DNAH1: variants seen among roughly 807,000 people sequenced by gnomAD.
DNAH1 encodes the protein dynein axonemal heavy chain 1, also known as axonemal beta dynein heavy chain 1.
Under a neutral mutation model 484.3 loss-of-function variants are expected in DNAH1, and 327 were observed. That is an observed-to-expected ratio of 0.68 (90% CI 0.62 to 0.74). The LOEUF (loss-of-function observed/expected upper bound fraction) is 0.74, where lower values mean the gene tolerates loss of function less well. DNAH1 is among the 30% of genes least tolerant of loss of function. The pLI, the probability that DNAH1 is intolerant of heterozygous loss-of-function variation, is 0.00. For missense variants in DNAH1, 5,052 were observed against 5,546.8 expected (o/e 0.91, Z 2.83); for synonymous variants, 2,192 against 2,191.9 (o/e 1.00, Z 0.00).
At chr3:52,390,895 A>C in intron 60 of DNAH1, 40 bp from the exon 61 acceptor site, 1 of 1,549,890 alleles carries the variant, frequency 6.5e-7, no homozygotes, top group Non-Finnish European at 8.7e-7. Flanking sequence ...CCCTGCTTGC[A>C]GGAAAGCTCT....
rs1703844773 is a variant in DNAH1 at position 52,381,572 on chromosome 3, T to TG, written c.7609-62dup. ...CAGGACAGAGAAGAAAGCGGGTGGG[T>TG]GGGGGGAATCGGGGAGACCCTACAG... On this transcript the variant is annotated intron_variant, in intron 48 of 77. Transcript: ENST00000420323. The surrounding 1 kb of genome is among the most constrained non-coding windows in gnomAD (Gnocchi z 4.1). 7.0e-7 allele frequency: 1 copy of TG among 1,419,378 alleles called. No individual in the cohort carries two copies. The highest frequency in any genetic ancestry group is 1.5e-5 in the African/African-American group (1 of 68,820). The allele number at this position is 1,419,378 out of a possible 1,614,324, so 87.9% of individuals were successfully genotyped here.
chr3:52,358,705 A>G lies in DNAH1; in HGVS notation c.4234A>G (p.Ile1412Val). Reference sequence around the variant, plus strand: ...CAGCATGAAGGCCAGTGTGCACGACATCATTGAGAAGGCCATCAGGGCCTA... The same window carrying G: ...CAGCATGAAGGCCAGTGTGCACGACGTCATTGAGAAGGCCATCAGGGCCTA... ...ERSMKASVHDIIEKAIRAYPT... is the reference protein window; with the variant it reads ...ERSMKASVHDVIEKAIRAYPT... Residue 1412 changes from isoleucine (I) to valine (V), a missense_variant, in exon 25 of 78, where the codon ATC (isoleucine) becomes GTC (valine). By Grantham distance (29) the Ile-to-Val change is conservative (BLOSUM62 3). Around this residue, in one of 4 missense-constraint regions of DNAH1, gnomAD observed 2,929 missense variants for 3,409.4 expected, o/e 0.86. Transcript: ENST00000420323. This position sits in a 1 kb window ranked among gnomAD's most constrained non-coding sequence, Gnocchi z 4.2. 6.2e-7 allele frequency: 1 copy of G among 1,612,900 alleles called. No homozygotes were observed. The highest frequency in any genetic ancestry group is 2.2e-5 in the East Asian group (1 of 44,850).
rs1324808545 is a variant in DNAH1, at chr3:52,322,474, T to A, written c.32T>A (p.Leu11Gln). MEQPNSKGYS[L>Q]GRTPQGPECS... ...CAGCCTAACAGTAAAGGCTATAGCC[T>A]GGGAAGGACCCCTCAGGGCCCAGAG... The change falls in exon 2 of 78, where the codon CTG becomes CAG. Residue 11 changes from leucine to glutamine, a missense_variant. Physicochemically the swap from Leu to Gln is moderately radical, Grantham distance 113. Around this residue, in one of 4 missense-constraint regions of DNAH1, gnomAD observed 1,263 missense variants for 1,218.8 expected, o/e 1.04. Transcript: ENST00000420323. 6.2e-7 allele frequency: 1 copy of A among 1,612,934 alleles called. No individual in the cohort carries two copies.
Position 52,366,853 on chromosome 3 carries a change from C to T in DNAH1, c.5731C>T (p.Leu1911=), listed in dbSNP as rs369636901. 2.5e-4 allele frequency: 411 copies of T among 1,613,826 alleles called. 2 individuals carry two copies. The South Asian group carries it at 4.3e-3, about 17-fold the overall frequency. ...CCCCAAGTCCATCACGATGGGCCAGCTGTACGGGGAGTTTGACCTCCTCAC... is the reference window on the plus strand; with the variant it reads ...CCCCAAGTCCATCACGATGGGCCAGTTGTACGGGGAGTTTGACCTCCTCAC... ...LNPKSITMGQ[L]YGEFDLLTHE... is the part of the protein sequence containing the mutation. Residue 1911 remains leucine (L), a synonymous_variant, in exon 36 of 78, where the codon CTG becomes TTG. Coordinates refer to ENST00000420323, the MANE Select transcript of DNAH1 (RefSeq NM_015512.5).
intron 8 of DNAH1, among the ~76,000 whole-genome samples, chr3:52,335,104 AT>A (rs1413642970): frequency 1.1e-4 from 16 of 145,220 alleles, no homozygotes; most frequent in African/African-American, 2.3e-4. Flanking sequence ...TTTTAAAAAA[AT>A]GTGTGATTTT....
In DNAH1 at chr3:52,394,543, C is replaced by A. The variant is rs774676554; in HGVS notation, c.10705C>A (p.Arg3569=). Residue 3569 remains arginine, a synonymous_variant, in exon 67 of 78, where the codon CGG becomes AGG. Transcript: ENST00000420323. ...ENPAPDWLSD[R]AWRDILALSN... ...TCCGGCACCGGACTGGCTGTCAGAC[C>A]GGGCTTGGCGAGACATCCTAGCACT... is the stretch of plus-strand genomic sequence containing the variant. The A allele has an allele frequency of 1.2e-6, 2 of 1,613,968 alleles. No homozygotes were observed. Among genetic ancestry groups the A allele is most frequent in the Non-Finnish European group, 1.7e-6 (2 of 1,179,850 alleles).
At chr3:52,339,356 T>A (rs1380216371) in intron 8 of DNAH1, among the ~76,000 whole-genome samples, 2 of 152,170 alleles carry the variant, frequency 1.3e-5, no homozygotes, top group African/African-American at 2.4e-5. Flanking sequence ...TCGGTCACCT[T>A]GTAATTTCAG....
At position 52,349,295 on chromosome 3, in the gene DNAH1, A is replaced by G. The variant is rs970195591; in HGVS notation, c.2401A>G (p.Ile801Val). ...EILDSSLPSS[I>V]IIGPFYINTD... ...CCTGGACAGCTCGCTGCCCAGCAGC[A>G]TCATCATTGGGCCTTTCTACATCAA... The change falls in exon 14 of 78, where the codon ATC becomes GTC. Residue 801 changes from isoleucine (I) to valine (V), a missense_variant. Ile to Val is a conservative substitution (Grantham distance 29, BLOSUM62 3). Around this residue, in one of 4 missense-constraint regions of DNAH1, gnomAD observed 1,263 missense variants for 1,218.8 expected, o/e 1.04. Coordinates refer to ENST00000420323, the MANE Select transcript of DNAH1 (RefSeq NM_015512.5). The G allele has an allele frequency of 6.2e-7, 1 of 1,614,012 alleles. No homozygotes were observed. Among genetic ancestry groups the G allele is most frequent in the Non-Finnish European group, 8.5e-7 (1 of 1,179,890 alleles).
rs1406487661 is a variant in DNAH1, at chr3:52,388,158, C to T, written c.9004-9C>T. On this transcript the variant is annotated splice_polypyrimidine_tract_variant and intron_variant, in intron 56 of 77. Transcript: ENST00000420323. ...AGCAGCCTCTTGAGACCCAGGCTTC[C>T]CACCTCAGGACAACATTGGGGATGT... 2 of 1,605,906 alleles carry T rather than the reference C, an allele frequency of 1.2e-6. No individual in the cohort carries two copies. Among genetic ancestry groups the T allele is most frequent in the Non-Finnish European group, 1.7e-6 (2 of 1,176,246 alleles).
chr3:52,344,699 C>G (rs1702076535), intron 9 of DNAH1, 52 bp downstream of exon 9: 1 of 1,552,614 alleles, frequency 6.4e-7, no homozygotes, highest in Non-Finnish European at 8.7e-7. Context: ...CTGGCCAGAG[C>G]CCCCTCCCAC....
At chr3:52,332,425 G>A in intron 8 of DNAH1, 31 bp downstream of exon 8, 1 of 1,600,750 alleles carries the variant, frequency 6.2e-7, no homozygotes, top group East Asian at 2.2e-5. Flanking sequence ...CCCTATTCTG[G>A]GCATCACCTT....
chr3:52,373,889 C>T (rs1703466390), intron 44 of DNAH1: 2 of 1,394,116 alleles, frequency 1.4e-6, no homozygotes, highest in African/African-American at 2.8e-5. Context: ...TACCACCTTC[C>T]TCCAATCCTA....
Position 52,384,962 on chromosome 3 carries a change from G to C in DNAH1, c.8499G>C (p.Lys2833Asn). ...LELKTAKNRM[K>N]SGLDKLLRTS... ...TGAAAACTGCCAAGAACCGCATGAA[G>C]AGCGGCCTCGACAAGGTGGGCCCAG... Residue 2833 changes from lysine to asparagine, a missense_variant, in exon 53 of 78, where the codon AAG becomes AAC. Physicochemically the swap from Lys to Asn is moderately conservative, Grantham distance 94. This residue lies in a region of DNAH1 where 2,929 missense variants were observed against 3,409.4 expected (regional missense o/e 0.86). Transcript: ENST00000420323. 6.2e-7 allele frequency: 1 copy of C among 1,613,008 alleles called. No individual in the cohort carries two copies. Among genetic ancestry groups the C allele is most frequent in the Non-Finnish European group, 8.5e-7 (1 of 1,179,498 alleles).
In DNAH1 at chr3:52,349,386, T is replaced by C; in HGVS notation, c.2492T>C (p.Ile831Thr). The part of the protein sequence containing the change: ...RKALATSVLD[I>T]LAKNLHKEVD... ...GCCCTGGCCACTTCCGTGCTGGACA[T>C]CCTTGCCAAGAACCTGCATAAGGAG... The change falls in exon 14 of 78, where the codon ATC becomes ACC. Residue 831 changes from isoleucine (I) to threonine (T), a missense_variant. By Grantham distance (89) the Ile-to-Thr change is moderately conservative (BLOSUM62 -1). Transcript: ENST00000420323. The C allele has an allele frequency of 6.2e-7, 1 of 1,613,920 alleles. No individual in the cohort carries two copies. Among genetic ancestry groups the C allele is most frequent in the Non-Finnish European group, 8.5e-7 (1 of 1,179,890 alleles).
At chr3:52,394,358 A>T in intron 66 of DNAH1, 107 bp from the exon 67 acceptor site, 1 of 1,060,966 alleles carries the variant, frequency 9.4e-7, no homozygotes, top group Non-Finnish European at 1.4e-6. Context: ...AGGGAGACTC[A>T]GTTTCTCCAG....
rs571152442 is a variant in DNAH1, at chr3:52,371,576, C to T, written c.6526-370C>T. On this transcript the variant is annotated intron_variant, in intron 41 of 77. Coordinates refer to ENST00000420323, the MANE Select transcript of DNAH1 (RefSeq NM_015512.5). ...CCATGGTTCTGGCCCCCACATTTCT[C>T]GGGTAGCCTGAAACTAAACAGAAAA... Among the ~76,000 whole-genome samples, 39 of 152,332 alleles carry T rather than the reference C, an allele frequency of 2.6e-4. No homozygotes were observed. The South Asian group carries it at 4.8e-3, about 19-fold the overall frequency.
At chr3:52,389,273 G>A (rs1391957654) in intron 59 of DNAH1, among the ~76,000 whole-genome samples, 188 bp from the exon 60 acceptor site, 8 of 152,218 alleles carry the variant, frequency 5.3e-5, no homozygotes, top group South Asian at 2.1e-4. Context: ...AGCTTTGCCC[G>A]TTTCACAGAT....
chr3:52,378,822 C>T lies in DNAH1; in HGVS notation c.7377+42C>T, dbSNP rs1009797256. The T allele has an allele frequency of 3.1e-6, 5 of 1,608,092 alleles. No individual in the cohort carries two copies. In the Admixed American group the frequency reaches 6.7e-5, roughly 21 times the overall value. On this transcript the variant is annotated intron_variant, in intron 47 of 77. Transcript: ENST00000420323. ...CACCCTCCCCAGTGCCCACACTGCT[C>T]TCCGCATCCTCCCCAGCCCCACCAA...
rs1384970311 is a variant in DNAH1, at chr3:52,328,022, A to T, written c.871+8A>T. 1 of 1,612,962 alleles carries T rather than the reference A, an allele frequency of 6.2e-7. No individual in the cohort carries two copies. Among genetic ancestry groups the T allele is most frequent in the African/African-American group, 1.3e-5 (1 of 74,910 alleles). On this transcript the variant is annotated splice_region_variant and intron_variant, in intron 6 of 77. Coordinates refer to ENST00000420323, the MANE Select transcript of DNAH1 (RefSeq NM_015512.5). Reference sequence around the variant, plus strand: ...ATGACTTCCTGGGGCATGGTGAGCAAGGCCACTCTGGAGTGGGGACACTAT... The same window carrying T: ...ATGACTTCCTGGGGCATGGTGAGCATGGCCACTCTGGAGTGGGGACACTAT...
Sources: allele counts gnomAD v4.1 joint callset (sites outside exome capture counted in the v4.1 genomes callset), GRCh38; gene constraint gnomAD v4.1.1; regional missense constraint gnomAD v4.1.1; non-coding constraint Gnocchi (gnomAD v3.1); transcripts MANE v1.5; gene names NCBI Gene and HGNC (gene_info 2026-07-23, HGNC 2026-07-21).